Variants in UACA observed in about 807,000 individuals in gnomAD.
The protein encoded by UACA is nuclear membrane binding protein.
Under a neutral mutation model 160.5 loss-of-function variants are expected in UACA, and 112 were observed. The observed-to-expected ratio is 0.70, with a 90% CI of 0.60 to 0.82. The LOEUF is 0.82. Among genes scored for constraint, UACA ranks in the 40% least tolerant of loss-of-function variants. UACA has a pLI of 0.00. For missense variants in UACA, 1,574 were observed against 1,614.6 expected (o/e 0.97, Z 0.43); for synonymous variants, 557 against 568.4 (o/e 0.98, Z 0.29).
intron 1 of UACA, among the ~76,000 whole-genome samples, chr15:70,760,071 A>G (rs1284939071): frequency 6.6e-6 from 1 of 152,228 alleles, no homozygotes; most frequent in Non-Finnish European, 1.5e-5. Context: ...TTAAAATTTT[A>G]TCTCAAATCA....
At chr15:70,723,825 G>A (rs925964070) in intron 1 of UACA, among the ~76,000 whole-genome samples, 13 of 151,860 alleles carry the variant, frequency 8.6e-5, no homozygotes, top group Non-Finnish European at 1.9e-4. Context: ...GTAGAGACGG[G>A]GTTTCATCAT....
At chr15:70,739,241 G>A (rs1197212285) in intron 1 of UACA, among the ~76,000 whole-genome samples, 2 of 152,080 alleles carry the variant, frequency 1.3e-5, no homozygotes, top group Non-Finnish European at 2.9e-5. Context: ...ATAAGGCAGG[G>A]TTTCTCAATC....
the UACA span, among the ~76,000 whole-genome samples, chr15:70,778,213 A>C: frequency 1.3e-5 from 2 of 152,202 alleles, no homozygotes; most frequent in South Asian, 4.1e-4. Context: ...AAAAAAAAAA[A>C]AATATTGAGA....
chr15:70,673,274 C>T (rs949060338), intron 13 of UACA, among the ~76,000 whole-genome samples: 3 of 151,794 alleles, frequency 2.0e-5, no homozygotes, highest in Non-Finnish European at 2.9e-5. Flanking sequence ...GATCCTGTCT[C>T]AAAAACAAAA....
chr15:70,677,008 A>T, intron 12 of UACA, 100 bp downstream of exon 12: 1 of 881,966 alleles, frequency 1.1e-6, no homozygotes, highest in Non-Finnish European at 1.8e-6. Context: ...CAGAAATAGA[A>T]TCCTGGTCTC....
intron 1 of UACA, chr15:70,701,880 G>T (rs1898376863): frequency 1.9e-6 from 3 of 1,612,822 alleles, no homozygotes; most frequent in Non-Finnish European, 1.7e-6. Context: ...TACCTACTCT[G>T]TTCTTAGGAG....
At chr15:70,684,946 C>T (rs1000531770) in intron 7 of UACA, among the ~76,000 whole-genome samples, 23 of 152,090 alleles carry the variant, frequency 1.5e-4, no homozygotes, top group African/African-American at 5.1e-4. Flanking sequence ...ATAATCACCA[C>T]AAAAATTTTC....
intron 5 of UACA, among the ~76,000 whole-genome samples, chr15:70,689,065 T>G (rs534740598): frequency 2.0e-5 from 3 of 152,190 alleles, no homozygotes; most frequent in Non-Finnish European, 4.4e-5. Context: ...AATAATCTAC[T>G]ACTTCCAAGT....
At chr15:70,701,964 G>GTTACAA (rs755392570) in intron 1 of UACA, 16 of 1,606,666 alleles carry the variant, frequency 1.0e-5, no homozygotes, top group Admixed American at 5.1e-5. Flanking sequence ...TTTGCATTAA[G>GTTACAA]TTACAAATCT....
chr15:70,743,695 T>C (rs1246754850), intron 1 of UACA, among the ~76,000 whole-genome samples: 1 of 152,156 alleles, frequency 6.6e-6, no homozygotes, highest in Non-Finnish European at 1.5e-5. Flanking sequence ...TTAACAAAAT[T>C]GTCATTTTGG....
intron 15 of UACA, among the ~76,000 whole-genome samples, chr15:70,670,568 C>T (rs889149680): frequency 6.6e-6 from 1 of 152,074 alleles, no homozygotes; most frequent in Non-Finnish European, 1.5e-5. Context: ...CCTACTTCTG[C>T]CCCTCAGCCG....
the UACA span, among the ~76,000 whole-genome samples, chr15:70,773,310 A>G: frequency 6.6e-6 from 1 of 152,300 alleles, no homozygotes; most frequent in East Asian, 1.9e-4. Context: ...TTTTGGGGAG[A>G]GAAGCTAATG....
intron 2 of UACA, among the ~76,000 whole-genome samples, chr15:70,698,911 G>T (rs752784124): frequency 5.2e-4 from 79 of 152,000 alleles, no homozygotes; most frequent in African/African-American, 1.7e-3. Context: ...CAGACACATC[G>T]TTCATAAGCA....
At chr15:70,749,016 A>T (rs1172864109) in intron 1 of UACA, 1 of 171,314 alleles carries the variant, frequency 5.8e-6, no homozygotes, top group Non-Finnish European at 1.3e-5. Context: ...TACATGCTAT[A>T]GTATTTAATG....
At chr15:70,698,979 C>T (rs1013629708) in intron 2 of UACA, among the ~76,000 whole-genome samples, 2 of 152,152 alleles carry the variant, frequency 1.3e-5, no homozygotes, top group African/African-American at 2.4e-5. Flanking sequence ...GGGATTATTA[C>T]CTGTATCTCC....
intron 1 of UACA, among the ~76,000 whole-genome samples, chr15:70,701,690 CT>C (rs1371334591): frequency 6.6e-6 from 1 of 152,160 alleles, no homozygotes; most frequent in African/African-American, 2.4e-5. Flanking sequence ...TTATCATGTG[CT>C]TTTTAAACCC....
At chr15:70,703,760 C>T (rs911181402) in intron 1 of UACA, among the ~76,000 whole-genome samples, 4 of 152,306 alleles carry the variant, frequency 2.6e-5, no homozygotes, top group African/African-American at 7.2e-5. Flanking sequence ...CTGCCACCTC[C>T]CCAGCCTCTG....
intron 1 of UACA, among the ~76,000 whole-genome samples, chr15:70,723,131 C>G (rs1321939815): frequency 6.6e-6 from 1 of 152,148 alleles, no homozygotes; most frequent in African/African-American, 2.4e-5. Context: ...TAATAAAAAC[C>G]ACTTCATTTG....
chr15:70,691,019 C>T (rs936462420), intron 4 of UACA, among the ~76,000 whole-genome samples: 2 of 152,082 alleles, frequency 1.3e-5, no homozygotes, highest in South Asian at 2.1e-4. Flanking sequence ...TTATCTTCCA[C>T]GATAGTCTAG....
Sources: gnomAD v4.1 joint callset for allele counts (sites outside exome capture counted in the v4.1 genomes callset) on GRCh38, gnomAD v4.1.1 for gene constraint, MANE v1.5 for transcripts, NCBI Gene and HGNC (gene_info 2026-07-23, HGNC 2026-07-21) for gene names.